Variants in RBFOX1 observed in about 807,000 individuals in gnomAD.
RBFOX1 encodes the protein RNA binding fox-1 homolog 1, also known as RNA binding protein fox-1 homolog 1.
RBFOX1 carries 8 observed loss-of-function variants against 57.7 expected under a neutral mutation model. That is an observed-to-expected ratio of 0.14 (90% CI 0.08 to 0.25). The LOEUF is 0.25. Ranked by LOEUF, RBFOX1 falls within the 10% of genes least tolerant of loss-of-function variation. The pLI, the probability that RBFOX1 is intolerant of heterozygous loss-of-function variation, is 1.00. For missense variants in RBFOX1, 611 were observed against 548.5 expected, an observed-to-expected ratio of 1.11 and a Z score of -1.14; for synonymous variants, 326 against 222.4, an observed-to-expected ratio of 1.47 and a Z score of -4.15.
Position 6,173,604 on chromosome 16 carries a change from C to CTTTTTTTTTTTTTTTT in RBFOX1, c.-126-143383_-126-143368dup, listed in dbSNP as rs35528338. Among the ~76,000 whole-genome samples the CTTTTTTTTTTTTTTTT allele has an allele frequency of 7.0e-4, 50 of 70,952 alleles. 5 individuals carry two copies. The highest frequency in any genetic ancestry group is 9.9e-4 in the Non-Finnish European group (41 of 41,246). The allele number at this position is 70,952 out of a possible 152,430, so 46.5% of individuals were successfully genotyped here. A position where few individuals can be genotyped will look rare whatever the true frequency, so the allele number is the denominator to read the frequency against. ...GTATGGAGTGGACACTGACCACTCC[C>CTTTTTTTTTTTTTTTT]TTTTTTTTTTTTTTTTTTTTTTTGA... On this transcript the variant is annotated intron_variant, in intron 1 of 15. Transcript: ENST00000550418.
At chr16:6,607,725 A>C (rs1302953752) in intron 2 of RBFOX1, among the ~76,000 whole-genome samples, 2 of 152,034 alleles carry the variant, frequency 1.3e-5, no homozygotes. Flanking sequence ...ATTATTTTAG[A>C]ATTTTGTGGT....
At chr16:5,759,946 A>G (rs924493987) in intron 3 of RBFOX1, among the ~76,000 whole-genome samples, 1 of 151,934 alleles carries the variant, frequency 6.6e-6, no homozygotes, top group Non-Finnish European at 1.5e-5. Flanking sequence ...GCGTATTTCA[A>G]CTGCACTGAA....
At chr16:6,807,100 C>A (rs2154262915) in intron 3 of RBFOX1, among the ~76,000 whole-genome samples, 1 of 151,916 alleles carries the variant, frequency 6.6e-6, no homozygotes, top group East Asian at 2.0e-4. Context: ...TCCCAAAGTG[C>A]TGGGATTACA....
chr16:7,282,473 G>C (rs2095564767), intron 4 of RBFOX1, among the ~76,000 whole-genome samples: 2 of 152,132 alleles, frequency 1.3e-5, no homozygotes, highest in Non-Finnish European at 2.9e-5. Context: ...ATGGATATTA[G>C]AAGTTATCAG....
At chr16:7,482,125 C>G (rs1043632383) in intron 4 of RBFOX1, among the ~76,000 whole-genome samples, 9 of 152,192 alleles carry the variant, frequency 5.9e-5, no homozygotes, top group Non-Finnish European at 1.2e-4. Flanking sequence ...TCCTCCTGCT[C>G]TATAGTCATA....
At chr16:6,913,204 T>C (rs754926095) in intron 3 of RBFOX1, among the ~76,000 whole-genome samples, 5 of 152,118 alleles carry the variant, frequency 3.3e-5, no homozygotes, top group Non-Finnish European at 7.4e-5. Flanking sequence ...TTTTTTTAAA[T>C]GCAAAAACAG....
chr16:5,936,996 C>T (rs2059181104), intron 4 of RBFOX1, among the ~76,000 whole-genome samples: 1 of 152,134 alleles, frequency 6.6e-6, no homozygotes, highest in Non-Finnish European at 1.5e-5. Flanking sequence ...TGTCAGTGTA[C>T]CTTTTACTCA....
At chr16:6,685,730 A>G (rs550599671) in intron 3 of RBFOX1, among the ~76,000 whole-genome samples, 35 of 152,246 alleles carry the variant, frequency 2.3e-4, no homozygotes, top group African/African-American at 5.8e-4. Context: ...AAGAATACCA[A>G]TTTTAACAAT....
intron 4 of RBFOX1, among the ~76,000 whole-genome samples, chr16:7,335,194 C>G (rs2096763583): frequency 6.6e-6 from 1 of 152,228 alleles, no homozygotes; most frequent in Non-Finnish European, 1.5e-5. Context: ...GCCGATGTTT[C>G]TGCTGCCAGC....
At chr16:6,895,366 A>G (rs1260676025) in intron 3 of RBFOX1, among the ~76,000 whole-genome samples, 1 of 147,982 alleles carries the variant, frequency 6.8e-6, no homozygotes, top group Non-Finnish European at 1.5e-5. Context: ...AGATAGGAGA[A>G]CTAACTGGTT....
intron 4 of RBFOX1, among the ~76,000 whole-genome samples, chr16:7,364,009 A>T (rs2097384116): frequency 6.6e-6 from 1 of 152,166 alleles, no homozygotes. Context: ...AGACAGCAAG[A>T]TCGTATTTGT....
intron 5 of RBFOX1, among the ~76,000 whole-genome samples, chr16:7,575,840 C>G (rs928422919): frequency 6.6e-6 from 1 of 152,150 alleles, no homozygotes; most frequent in South Asian, 2.1e-4. Context: ...GATCTCTAAC[C>G]CCAACATGCG....
intron 9 of RBFOX1, among the ~76,000 whole-genome samples, chr16:7,599,897 A>C (rs1190138907): frequency 1.3e-5 from 2 of 151,856 alleles, no homozygotes; most frequent in African/African-American, 4.8e-5. Flanking sequence ...TTGGCCTCCA[A>C]AAATGCTAAG....
At chr16:6,355,050 C>G (rs1285358777) in intron 2 of RBFOX1, among the ~76,000 whole-genome samples, 1 of 152,210 alleles carries the variant, frequency 6.6e-6, no homozygotes, top group Non-Finnish European at 1.5e-5. Context: ...AAAGAACACA[C>G]TTAGCATCCT....
At chr16:6,769,277 C>T (rs568420150) in intron 3 of RBFOX1, among the ~76,000 whole-genome samples, 2 of 152,320 alleles carry the variant, frequency 1.3e-5, no homozygotes, top group South Asian at 2.1e-4. Flanking sequence ...AGACTTGCTC[C>T]TCCTTGCCTT....
At chr16:6,053,442 A>G (rs2095577499) in intron 1 of RBFOX1, among the ~76,000 whole-genome samples, 1 of 152,200 alleles carries the variant, frequency 6.6e-6, no homozygotes, top group Non-Finnish European at 1.5e-5. Context: ...TAAGGTAAGT[A>G]TAGAAGTAAG....
At chr16:6,670,813 C>A (rs559679527) in intron 3 of RBFOX1, among the ~76,000 whole-genome samples, 2 of 151,788 alleles carry the variant, frequency 1.3e-5, no homozygotes, top group African/African-American at 4.8e-5. Context: ...CTAGCTAACA[C>A]GGTGAAACCC....
chr16:6,411,709 C>G lies in RBFOX1; in HGVS notation c.-64+94652C>G, dbSNP rs146777582. 8.0e-4 allele frequency among the ~76,000 whole-genome samples: 122 copies of G among 152,308 alleles called. 1 individual carries two copies. The highest frequency in any genetic ancestry group is 9.3e-4 in the Non-Finnish European group (63 of 68,028). ...GGATGAGTCTAACCTACTGCATGCTCTCAGCTTTTATTATTGAAAGTCATT... is the reference window on the plus strand; with the variant it reads ...GGATGAGTCTAACCTACTGCATGCTGTCAGCTTTTATTATTGAAAGTCATT... On this transcript the variant is annotated intron_variant, in intron 2 of 15. Transcript: ENST00000550418.
chr16:5,455,282 T>C (rs533376905), intron 1 of RBFOX1, among the ~76,000 whole-genome samples: 1 of 152,106 alleles, frequency 6.6e-6, no homozygotes, highest in Admixed American at 6.6e-5. Context: ...CACAGTGGCA[T>C]GTTTCCAAGA....
Sources: gnomAD v4.1 joint callset for allele counts (sites outside exome capture counted in the v4.1 genomes callset) on GRCh38, gnomAD v4.1.1 for gene constraint, MANE v1.5 for transcripts, NCBI Gene and HGNC (gene_info 2026-07-23, HGNC 2026-07-21) for gene names.